Variants in CCDC61 observed in about 807,000 individuals in gnomAD.
CCDC61 encodes coiled-coil domain containing 61.
In CCDC61, 55 loss-of-function variants were observed where a neutral mutation model predicts 63.0. The ratio of observed to expected loss-of-function variants is 0.87; its 90% CI spans 0.70 to 1.09. CCDC61 has a LOEUF of 1.09. Ranked by LOEUF, CCDC61 falls within the 50% of genes least tolerant of loss-of-function variation. CCDC61 has a pLI of 0.00. For synonymous variants in CCDC61, 270 were observed against 317.0 expected, an observed-to-expected ratio of 0.85 and a Z score of 1.58; for missense variants, 651 against 731.4, an observed-to-expected ratio of 0.89 and a Z score of 1.27.
chr19:46,016,040 C>T lies in CCDC61; in HGVS notation c.846-14C>T. ...GGGCGGGCGGGAAGCTGACAGCTGC[C>T]TCTGTGGTCTCAGGAGGCGGACTCC... On this transcript the variant is annotated splice_polypyrimidine_tract_variant and intron_variant, in intron 7 of 13. Coordinates refer to ENST00000595358, the MANE Select transcript of CCDC61 (RefSeq NM_001267723.2). This position sits in a 1 kb window ranked among gnomAD's most constrained non-coding sequence, Gnocchi z 7.2. 1 of 1,235,536 alleles carries T rather than the reference C, an allele frequency of 8.1e-7. No individual in the cohort carries two copies. The highest frequency in any genetic ancestry group is 3.2e-5 in the East Asian group (1 of 31,666). The allele number at this position is 1,235,536 out of a possible 1,614,324, so 76.5% of individuals were successfully genotyped here.
intron 5 of CCDC61, among the ~76,000 whole-genome samples, chr19:46,013,650 T>C (rs967361683): frequency 2.0e-5 from 3 of 151,886 alleles, no homozygotes; most frequent in African/African-American, 4.8e-5. Context: ...GGGCAGATCA[T>C]GAGGTCAGGA....
chr19:45,999,433 G>A (rs1968550927), intron 1 of CCDC61, among the ~76,000 whole-genome samples: 1 of 152,256 alleles, frequency 6.6e-6, no homozygotes, highest in South Asian at 2.1e-4. Context: ...AATGTGGGGC[G>A]GAGGGCTGCT....
In CCDC61 at chr19:46,017,273, C is replaced by A; in HGVS notation, c.1337C>A (p.Pro446His). The A allele has an allele frequency of 6.4e-7, 1 of 1,567,116 alleles. No homozygotes were observed. Reference protein sequence around the residue: ...RGGHRRRGKPPSPTPWSGSNM... With the variant: ...RGGHRRRGKPHSPTPWSGSNM... ...GGTCACCGCCGCCGTGGGAAGCCTCCCAGCCCAACGCCCTGGAGTGGGTCC... is the reference window on the plus strand; with the variant it reads ...GGTCACCGCCGCCGTGGGAAGCCTCACAGCCCAACGCCCTGGAGTGGGTCC... Residue 446 changes from proline (P) to histidine (H), a missense_variant, in exon 12 of 14, where the codon CCC becomes CAC. By Grantham distance (77) the Pro-to-His change is moderately conservative. Coordinates refer to ENST00000595358, the MANE Select transcript of CCDC61 (RefSeq NM_001267723.2).
At position 46,015,163 on chromosome 19, in the gene CCDC61, G is replaced by A. The variant is rs959792445; in HGVS notation, c.666G>A (p.Leu222=). 31 of 1,266,146 alleles carry A rather than the reference G, an allele frequency of 2.4e-5. No homozygotes were observed. The highest frequency in any genetic ancestry group is 2.9e-5 in the Non-Finnish European group (29 of 1,010,574). The allele number at this position is 1,266,146 out of a possible 1,614,324, so 78.4% of individuals were successfully genotyped here. A position where few individuals can be genotyped will look rare whatever the true frequency, so the allele number is the denominator to read the frequency against. ...ARQEAEALRG[L]VRGLELELRQ... ...AGGAGGCCGAGGCGCTGCGCGGGCT[G>A]GTGCGCGGGCTGGAGCTGGAGCTGC... is the stretch of plus-strand genomic sequence containing the variant. Residue 222 remains leucine, a synonymous_variant, in exon 6 of 14, where the codon CTG becomes CTA. Coordinates refer to ENST00000595358, the MANE Select transcript of CCDC61 (RefSeq NM_001267723.2). This position sits in a 1 kb window ranked among gnomAD's most constrained non-coding sequence, Gnocchi z 5.3.
In CCDC61 at chr19:46,018,495, G is replaced by T. The variant is rs373136432; in HGVS notation, c.*108G>T. The T allele has an allele frequency of 1.2e-5, 10 of 827,070 alleles. No homozygotes were observed. In the African/African-American group the frequency reaches 1.5e-4, roughly 13 times the overall value. The allele number at this position is 827,070 out of a possible 1,614,324, so 51.2% of individuals were successfully genotyped here. A position where few individuals can be genotyped will look rare whatever the true frequency, so the allele number is the denominator to read the frequency against. ...CCTGCCCAGTCCCTGCCCTGGCCCCGTCCCTCCTGCTGCCCCTGGGGTCTC... is the reference window on the plus strand; with the variant it reads ...CCTGCCCAGTCCCTGCCCTGGCCCCTTCCCTCCTGCTGCCCCTGGGGTCTC... On this transcript the variant is annotated 3_prime_UTR_variant, in exon 14 of 14. Coordinates refer to ENST00000595358, the MANE Select transcript of CCDC61 (RefSeq NM_001267723.2). The surrounding 1 kb of genome is among the most constrained non-coding windows in gnomAD (Gnocchi z 4.2).
intron 5 of CCDC61, among the ~76,000 whole-genome samples, chr19:46,009,863 CTG>C (rs146005277): frequency 5.3e-5 from 8 of 151,310 alleles, no homozygotes; most frequent in Admixed American, 2.6e-4. Context: ...CTGTCTCAGG[CTG>C]TGTGTGTGTG....
intron 1 of CCDC61, chr19:45,999,929 C>T (rs570099124): frequency 1.1e-5 from 8 of 747,930 alleles, no homozygotes; most frequent in East Asian, 1.3e-4. Flanking sequence ...TCGAAGGCAC[C>T]GCTGGGATGC....
intron 4 of CCDC61, among the ~76,000 whole-genome samples, chr19:46,007,006 G>A (rs549090878): frequency 1.3e-5 from 2 of 151,706 alleles, no homozygotes; most frequent in East Asian, 3.9e-4. Context: ...AGGGACTCAA[G>A]CTCTTTCTTT....
intron 1 of CCDC61, among the ~76,000 whole-genome samples, chr19:45,998,497 G>A (rs539241743): frequency 6.6e-5 from 10 of 152,286 alleles, no homozygotes; most frequent in East Asian, 1.9e-4. Context: ...AGGGCTTCCT[G>A]CAGGAGAGGG....
At position 46,003,154 on chromosome 19, in the gene CCDC61, T is replaced by C. The variant is rs1187296142; in HGVS notation, c.136T>C (p.Phe46Leu). Residue 46 changes from phenylalanine to leucine, a missense_variant, in exon 2 of 14, where the codon TTC becomes CTC. Transcript: ENST00000595358. ...RMTADQWRGE[F>L]DAGFIEDLTH... ...GACGGCTGACCAGTGGCGGGGCGAGTTCGATGCTGGCTGTGAGTGTGCCTG... is the reference window on the plus strand; with the variant it reads ...GACGGCTGACCAGTGGCGGGGCGAGCTCGATGCTGGCTGTGAGTGTGCCTG... 2 of 1,605,204 alleles carry C rather than the reference T, an allele frequency of 1.2e-6. No homozygotes were observed. Among genetic ancestry groups the C allele is most frequent in the Non-Finnish European group, 8.5e-7 (1 of 1,176,078 alleles).
At chr19:46,001,362 GA>G (rs995942145) in intron 1 of CCDC61, among the ~76,000 whole-genome samples, 4 of 152,086 alleles carry the variant, frequency 2.6e-5, no homozygotes, top group African/African-American at 9.7e-5. Flanking sequence ...GAGTAGCTGG[GA>G]TTACAGGCAC....
At chr19:46,000,132 G>A (rs1440314712) in intron 1 of CCDC61, 2 of 875,506 alleles carry the variant, frequency 2.3e-6, no homozygotes, top group Non-Finnish European at 2.7e-6. Context: ...GGCGGTGGTG[G>A]TGGGGTCAGT....
chr19:46,010,793 C>T (rs1171664972), intron 5 of CCDC61, among the ~76,000 whole-genome samples: 1 of 152,220 alleles, frequency 6.6e-6, no homozygotes, highest in African/African-American at 2.4e-5. Context: ...ACCCCCTGCC[C>T]TGTAGCAAAT....
At chr19:46,001,847 T>C (rs111651070) in intron 1 of CCDC61, among the ~76,000 whole-genome samples, 3 of 152,362 alleles carry the variant, frequency 2.0e-5, no homozygotes, top group African/African-American at 7.2e-5. Flanking sequence ...TTCATTAGAT[T>C]CTCAAAGGCT....
chr19:45,995,878 C>G (rs1200427423), intron 1 of CCDC61, among the ~76,000 whole-genome samples: 1 of 151,924 alleles, frequency 6.6e-6, no homozygotes, highest in Non-Finnish European at 1.5e-5. Context: ...GGGTGAAAGT[C>G]GTGGGAAGAA....
chr19:46,017,057 C>T lies in CCDC61; in HGVS notation c.1298C>T (p.Ser433Leu), dbSNP rs1261932356. ...AGCGATTTGGAGGATTTCTCTGAGT[C>T]GCTCTCCAGAGGGTAAAACTTGAAC... ...SCSDLEDFSE[S>L]LSRGGHRRRG... The change falls in exon 11 of 14, where the codon TCG becomes TTG. Residue 433 changes from serine to leucine, a missense_variant. Physicochemically the swap from Ser to Leu is moderately radical, Grantham distance 145. Transcript: ENST00000595358. 6.2e-7 allele frequency: 1 copy of T among 1,612,194 alleles called. No homozygotes were observed. Among genetic ancestry groups the T allele is most frequent in the Non-Finnish European group, 8.5e-7 (1 of 1,179,170 alleles).
chr19:46,007,942 A>G (rs1480118111), intron 4 of CCDC61, among the ~76,000 whole-genome samples, 198 bp from the exon 5 acceptor site: 1 of 152,212 alleles, frequency 6.6e-6, no homozygotes, highest in Non-Finnish European at 1.5e-5. Flanking sequence ...TTGTTATATA[A>G]GAGGCTTTCA....
chr19:45,999,426 G>A (rs543243023), intron 1 of CCDC61, among the ~76,000 whole-genome samples: 3 of 152,130 alleles, frequency 2.0e-5, no homozygotes, highest in African/African-American at 7.2e-5. Context: ...GCGTGTGAAT[G>A]TGGGGCGGAG....
At chr19:46,013,904 G>A (rs1476864496) in intron 5 of CCDC61, among the ~76,000 whole-genome samples, 1 of 150,884 alleles carries the variant, frequency 6.6e-6, no homozygotes. Context: ...AGTTCTTTTT[G>A]GCCTTAGGCT....
Sources: gnomAD v4.1 joint callset for allele counts (sites outside exome capture counted in the v4.1 genomes callset) on GRCh38, gnomAD v4.1.1 for gene constraint, Gnocchi (gnomAD v3.1) non-coding constraint, MANE v1.5 for transcripts, NCBI Gene and HGNC (gene_info 2026-07-23, HGNC 2026-07-21) for gene names.